PHKB: variants seen among roughly 807,000 people sequenced by gnomAD.
The protein encoded by PHKB is phosphorylase kinase regulatory subunit beta.
A neutral mutation model predicts 152.1 loss-of-function variants in PHKB; 122 were observed. That is an observed-to-expected ratio of 0.80 (90% CI 0.69 to 0.93). The LOEUF is 0.93. PHKB is among the 40% of genes least tolerant of loss of function. The pLI is 0.00. For synonymous variants in PHKB, 436 were observed against 464.9 expected (o/e 0.94, Z 0.80); for missense variants, 1,304 against 1,328.4 (o/e 0.98, Z 0.29).
At chr16:47,473,293 T>A (rs1969812321) in intron 1 of PHKB, among the ~76,000 whole-genome samples, 1 of 140,664 alleles carries the variant, frequency 7.1e-6, no homozygotes, top group Admixed American at 7.5e-5. Context: ...CAGGCTGGTC[T>A]GGAACTCCCA....
intron 1 of PHKB, among the ~76,000 whole-genome samples, chr16:47,487,403 G>T (rs1050309773): frequency 1.6e-5 from 2 of 122,614 alleles, no homozygotes; most frequent in South Asian, 2.8e-4. Flanking sequence ...ATATTATTAG[G>T]TACAAGAGTT....
intron 6 of PHKB, among the ~76,000 whole-genome samples, chr16:47,523,268 C>A (rs1352024252): frequency 6.6e-6 from 1 of 152,050 alleles, no homozygotes; most frequent in Non-Finnish European, 1.5e-5. Flanking sequence ...ATCAGGTCTC[C>A]CTACTTCAAA....
At chr16:47,618,620 A>G (rs956809854) in intron 14 of PHKB, among the ~76,000 whole-genome samples, 2 of 152,222 alleles carry the variant, frequency 1.3e-5, no homozygotes, top group Non-Finnish European at 2.9e-5. Flanking sequence ...TTGAAAGAAA[A>G]TTTACCCCAA....
chr16:47,553,332 T>C (rs1971307894), intron 7 of PHKB, among the ~76,000 whole-genome samples: 1 of 152,078 alleles, frequency 6.6e-6, no homozygotes, highest in African/African-American at 2.4e-5. Flanking sequence ...ATTCGGCTCT[T>C]GATAACGTGT....
intron 14 of PHKB, among the ~76,000 whole-genome samples, chr16:47,639,160 GC>G (rs1972972972): frequency 6.6e-6 from 1 of 152,024 alleles, no homozygotes; most frequent in Non-Finnish European, 1.5e-5. Flanking sequence ...TGTAGTCCCA[GC>G]TACTTGGGAG....
At position 47,693,400 on chromosome 16, in the gene PHKB, A is replaced by G. The variant is rs778939727; in HGVS notation, c.2788A>G (p.Ile930Val). 13 of 1,614,048 alleles carry G rather than the reference A, an allele frequency of 8.1e-6. No homozygotes were observed. The South Asian group carries it at 1.3e-4, about 16-fold the overall frequency. ...NGRCWLNRRQIDGSLNRTPTG... is the reference protein window; with the variant it reads ...NGRCWLNRRQVDGSLNRTPTG... ...CAGATGTTGGCTGAACAGGCGTCAG[A>G]TCGATGGGTCTTTGAATAGAACTCC... Residue 930 changes from isoleucine (I) to valine (V), a missense_variant, in exon 28 of 31, where the codon ATC becomes GTC. Ile to Val is a conservative substitution (Grantham distance 29, BLOSUM62 3). Transcript: ENST00000323584.
intron 13 of PHKB, among the ~76,000 whole-genome samples, chr16:47,602,688 T>G (rs1972252519): frequency 6.6e-6 from 1 of 152,188 alleles, no homozygotes; most frequent in African/African-American, 2.4e-5. Flanking sequence ...ATCTGAGTTT[T>G]CTTAACTTCC....
chr16:47,524,421 C>T (rs1970733196), intron 6 of PHKB, among the ~76,000 whole-genome samples: 1 of 152,180 alleles, frequency 6.6e-6, no homozygotes, highest in Admixed American at 6.5e-5. Context: ...TACATTTAAA[C>T]ATCTATATAC....
At chr16:47,588,141 A>G (rs1971965695) in intron 9 of PHKB, among the ~76,000 whole-genome samples, 2 of 152,018 alleles carry the variant, frequency 1.3e-5, no homozygotes, top group Non-Finnish European at 2.9e-5. Flanking sequence ...CTCTCATTCA[A>G]TTCACTTTTT....
intron 1 of PHKB, among the ~76,000 whole-genome samples, chr16:47,477,406 A>G (rs1315941251): frequency 1.3e-5 from 2 of 152,178 alleles, no homozygotes; most frequent in African/African-American, 4.8e-5. Flanking sequence ...TTCGAAGATT[A>G]GTACAGTTTT....
intron 1 of PHKB, among the ~76,000 whole-genome samples, chr16:47,496,279 C>T (rs1970230954): frequency 1.3e-5 from 2 of 150,302 alleles, no homozygotes; most frequent in African/African-American, 2.5e-5. Context: ...AGAGACAGTA[C>T]TTAGTCTATC....
chr16:47,571,284 GA>G (rs926500954), intron 7 of PHKB, among the ~76,000 whole-genome samples: 4 of 152,170 alleles, frequency 2.6e-5, no homozygotes, highest in Non-Finnish European at 4.4e-5. Flanking sequence ...ACCCATGGGT[GA>G]AAACCAGCTG....
intron 8 of PHKB, among the ~76,000 whole-genome samples, chr16:47,580,977 A>G (rs947173661): frequency 1.3e-5 from 2 of 152,214 alleles, no homozygotes; most frequent in African/African-American, 4.8e-5. Context: ...AAAGGAATAA[A>G]ATGTAGGAAT....
chr16:47,657,267 CT>C (rs753377107), intron 20 of PHKB, among the ~76,000 whole-genome samples: 3 of 152,148 alleles, frequency 2.0e-5, no homozygotes, highest in Non-Finnish European at 4.4e-5. Flanking sequence ...TAAATATTGG[CT>C]CATTGATTCA....
intron 14 of PHKB, among the ~76,000 whole-genome samples, chr16:47,613,720 T>TA (rs1463454236): frequency 1.3e-5 from 2 of 152,228 alleles, no homozygotes; most frequent in African/African-American, 4.8e-5. Context: ...TACCATCCCA[T>TA]ATCACCATAA....
chr16:47,521,340 T>C (rs540707098), intron 6 of PHKB, among the ~76,000 whole-genome samples: 1 of 152,258 alleles, frequency 6.6e-6, no homozygotes, highest in Middle Eastern at 3.4e-3. Context: ...GGGCAAAACC[T>C]TTTAATCTTT....
chr16:47,541,344 G>T (rs1971054951), intron 6 of PHKB, among the ~76,000 whole-genome samples: 1 of 152,180 alleles, frequency 6.6e-6, no homozygotes, highest in African/African-American at 2.4e-5. Context: ...TTTTATGGCT[G>T]CATAGTATTC....
At chr16:47,504,100 T>C (rs1970370829) in intron 4 of PHKB, among the ~76,000 whole-genome samples, 1 of 152,170 alleles carries the variant, frequency 6.6e-6, no homozygotes, top group Admixed American at 6.5e-5. Flanking sequence ...GTTGTGGCTA[T>C]GGTTTATTAC....
Position 47,594,140 on chromosome 16 carries a change from T to G in PHKB, c.1130T>G (p.Val377Gly). ...GATTTTATATTTTATATTTTAGGAGTTTTTAGAGGCAATCCTAAGCAAGTA... is the reference window on the plus strand; with the variant it reads ...GATTTTATATTTTATATTTTAGGAGGTTTTAGAGGCAATCCTAAGCAAGTA... Reference protein sequence around the residue: ...IFFLYMMIDGVFRGNPKQVQE... With the variant: ...IFFLYMMIDGGFRGNPKQVQE... Residue 377 changes from valine to glycine, a missense_variant, in exon 12 of 31, where the codon GTT becomes GGT. By Grantham distance (109) the Val-to-Gly change is moderately radical. Transcript: ENST00000323584. 6.6e-7 allele frequency: 1 copy of G among 1,517,896 alleles called. No individual in the cohort carries two copies. Among genetic ancestry groups the G allele is most frequent in the Non-Finnish European group, 9.1e-7 (1 of 1,093,198 alleles). The allele number at this position is 1,517,896 out of a possible 1,614,324, so 94.0% of individuals were successfully genotyped here.
Sources: gnomAD v4.1 joint callset for allele counts (sites outside exome capture counted in the v4.1 genomes callset) on GRCh38, gnomAD v4.1.1 for gene constraint, MANE v1.5 for transcripts, NCBI Gene and HGNC (gene_info 2026-07-23, HGNC 2026-07-21) for gene names.